The following FAT4 variants were observed in gnomAD, a reference collection of about 807,000 sequenced individuals.
The protein encoded by FAT4 is FAT atypical cadherin 4, also known as protocadherin Fat 4.
Under a neutral mutation model 303.9 loss-of-function variants are expected in FAT4, and 84 were observed. The ratio of observed to expected loss-of-function variants is 0.28; its 90% CI spans 0.23 to 0.33. The LOEUF (loss-of-function observed/expected upper bound fraction) is 0.33, where lower values mean the gene tolerates loss of function less well. FAT4 is among the 10% of genes least tolerant of loss of function. The pLI is 1.00. For synonymous variants in FAT4, 2,307 were observed against 2,298.8 expected (o/e 1.00, Z -0.10); for missense variants, 6,005 against 6,146.8 (o/e 0.98, Z 0.77).
intron 2 of FAT4, among the ~76,000 whole-genome samples, chr4:125,338,704 T>G (rs1229602085): frequency 6.6e-6 from 1 of 152,186 alleles, no homozygotes; most frequent in Admixed American, 6.5e-5. Context: ...TTCTGTAATC[T>G]CAACACAATT....
intron 2 of FAT4, among the ~76,000 whole-genome samples, chr4:125,367,027 A>AT (rs1270662616): frequency 2.2e-4 from 34 of 151,844 alleles, no homozygotes; most frequent in Admixed American, 1.6e-3. Context: ...TAGTTTGCAA[A>AT]TTTTTTTTGC....
intron 2 of FAT4, among the ~76,000 whole-genome samples, chr4:125,351,779 T>A (rs1732234861): frequency 6.6e-6 from 1 of 151,708 alleles, no homozygotes; most frequent in Non-Finnish European, 1.5e-5. Context: ...CTGATTATGA[T>A]CAGTGATTAA....
At chr4:125,398,718 T>G in intron 2 of FAT4, 66 bp from the exon 3 acceptor site, 1 of 1,513,730 alleles carries the variant, frequency 6.6e-7, no homozygotes, top group Non-Finnish European at 9.0e-7. Context: ...TTCCTGGTAG[T>G]CATTTTAATT....
chr4:125,362,567 A>G (rs2710593), intron 2 of FAT4, among the ~76,000 whole-genome samples: 27,474 of 152,172 alleles, frequency 0.18, 2,748 homozygotes, highest in South Asian at 0.31. Context: ...GATCTGGTCT[A>G]GAGATATACA....
chr4:125,411,898 T>A (rs191631161), intron 5 of FAT4, among the ~76,000 whole-genome samples: 465 of 151,210 alleles, frequency 3.1e-3, no homozygotes, highest in African/African-American at 0.01. Context: ...ACCATATGTA[T>A]GCAATAAAAC....
At chr4:125,397,804 C>A (rs562382623) in intron 2 of FAT4, among the ~76,000 whole-genome samples, 2 of 152,270 alleles carry the variant, frequency 1.3e-5, no homozygotes, top group Admixed American at 1.3e-4. Flanking sequence ...CTCCCCACTT[C>A]CTTCAGATTC....
chr4:125,449,863 T>C lies in FAT4; in HGVS notation c.8853T>C (p.His2951=). The C allele has an allele frequency of 6.2e-7, 1 of 1,613,924 alleles. No homozygotes were observed. Among genetic ancestry groups the C allele is most frequent in the Non-Finnish European group, 8.5e-7 (1 of 1,179,870 alleles). ...TCAGTAATGTGAATATCAACAGGCA[T>C]AGTTTTATAGTGACATCTTCAGATC... is the stretch of plus-strand genomic sequence containing the variant. ...TGFSNVNINR[H]SFIVTSSDRG... Residue 2951 remains histidine, a synonymous_variant, in exon 10 of 18, where the codon CAT becomes CAC. Transcript: ENST00000394329.
Position 125,406,861 on chromosome 4 carries a change from G to C in FAT4, c.5308-19G>C. 6.2e-7 allele frequency: 1 copy of C among 1,610,120 alleles called. No individual in the cohort carries two copies. Among genetic ancestry groups the C allele is most frequent in the Middle Eastern group, 1.7e-4 (1 of 6,008 alleles). ...CTTTTCTACTTCCAATAGCTCAGAT[G>C]CTTGGTCTCTTTTTTTAGGGTGCAA... On this transcript the variant is annotated intron_variant, in intron 3 of 17. Coordinates refer to ENST00000394329, the MANE Select transcript of FAT4 (RefSeq NM_001291303.3).
At chr4:125,334,207 C>A (rs1292605090) in intron 2 of FAT4, among the ~76,000 whole-genome samples, 1 of 152,010 alleles carries the variant, frequency 6.6e-6, no homozygotes, top group East Asian at 1.9e-4. Context: ...CCATCAGCAT[C>A]CTCCCAAAGA....
In FAT4 at chr4:125,476,218, A is replaced by T; in HGVS notation, c.12261A>T (p.Gly4087=). ...CCTGTTCTGAGAACCAAGAGCCAGG[A>T]TATTGTACTGTCAGTAATGTGGCAG... ...VDSCSENQEP[G]YCTVSNVAVS... Residue 4087 remains glycine, a synonymous_variant, in exon 13 of 18, where the codon GGA becomes GGT. Coordinates refer to ENST00000394329, the MANE Select transcript of FAT4 (RefSeq NM_001291303.3). The T allele has an allele frequency of 6.2e-7, 1 of 1,602,132 alleles. No homozygotes were observed. Among genetic ancestry groups the T allele is most frequent in the Non-Finnish European group, 8.5e-7 (1 of 1,172,072 alleles).
chr4:125,481,418 A>G, intron 15 of FAT4, 103 bp from the exon 16 acceptor site: 1 of 959,658 alleles, frequency 1.0e-6, no homozygotes, highest in Non-Finnish European at 1.6e-6. Context: ...AATTCCCAAA[A>G]CGACATTTTC....
chr4:125,350,430 C>G (rs1034925395), intron 2 of FAT4, among the ~76,000 whole-genome samples: 4 of 151,664 alleles, frequency 2.6e-5, no homozygotes, highest in African/African-American at 9.7e-5. Flanking sequence ...AAGCTGTGTT[C>G]CTTAATGCTG....
intron 12 of FAT4, among the ~76,000 whole-genome samples, chr4:125,471,570 T>C (rs1438746574): frequency 6.6e-6 from 1 of 152,226 alleles, no homozygotes; most frequent in Non-Finnish European, 1.5e-5. Flanking sequence ...TCTTTATTAA[T>C]GTTTGAAAAT....
In FAT4 at chr4:125,487,557, A is replaced by G. The variant is rs769956390; in HGVS notation, c.13035A>G (p.Ile4345Met). 1.9e-6 allele frequency: 3 copies of G among 1,613,278 alleles called. No individual in the cohort carries two copies. Among genetic ancestry groups the G allele is most frequent in the African/African-American group, 1.3e-5 (1 of 74,898 alleles). ...QDFGGLDVLT[I>M]SLGGIPPNQA... is the part of the protein sequence containing the mutation. The stretch of plus-strand genomic sequence containing the variant: ...TCGGTGGCCTTGATGTGCTTACTAT[A>G]TCACTTGGAGGAATTCCACCCAATC... Residue 4345 changes from isoleucine (I) to methionine (M), a missense_variant, in exon 17 of 18, where the codon ATA becomes ATG. Ile to Met is a conservative substitution (Grantham distance 10, BLOSUM62 1). Transcript: ENST00000394329.
intron 2 of FAT4, among the ~76,000 whole-genome samples, chr4:125,343,384 A>T (rs916276417): frequency 6.6e-6 from 1 of 152,092 alleles, no homozygotes; most frequent in Non-Finnish European, 1.5e-5. Context: ...CACCAAGTCC[A>T]TGGGCTCCTC....
Position 125,320,060 on chromosome 4 carries a change from G to C in FAT4, c.3649G>C (p.Ala1217Pro). 2 of 1,613,794 alleles carry C rather than the reference G, an allele frequency of 1.2e-6. No homozygotes were observed. The highest frequency in any genetic ancestry group is 1.7e-6 in the Non-Finnish European group (2 of 1,179,950). Reference sequence around the variant, plus strand: ...CAAATTTTTAAAAGACTTTTACCAAGCTACAATATCAGAATCAGCAGCCAA... The same window carrying C: ...CAAATTTTTAAAAGACTTTTACCAACCTACAATATCAGAATCAGCAGCCAA... The part of the protein sequence containing the change: ...APKFLKDFYQ[A>P]TISESAANLT... Residue 1217 changes from alanine (A) to proline (P), a missense_variant, in exon 2 of 18, where the codon GCT (alanine) becomes CCT (proline). Ala to Pro is a conservative substitution (Grantham distance 27). Transcript: ENST00000394329.
chr4:125,474,917 TG>T (rs1216001654), intron 12 of FAT4, among the ~76,000 whole-genome samples: 1 of 152,116 alleles, frequency 6.6e-6, no homozygotes, highest in Non-Finnish European at 1.5e-5. Context: ...CTTAACTTCC[TG>T]CACTGTTTTC....
chr4:125,446,639 G>A (rs1289834638), intron 9 of FAT4, 96 bp downstream of exon 9: 1 of 1,239,482 alleles, frequency 8.1e-7, no homozygotes, highest in African/African-American at 1.5e-5. Context: ...ACATATTTCT[G>A]ATATAGCCTA....
At chr4:125,471,725 A>G (rs1223955819) in intron 12 of FAT4, among the ~76,000 whole-genome samples, 2 of 151,656 alleles carry the variant, frequency 1.3e-5, no homozygotes, top group Non-Finnish European at 2.9e-5. Flanking sequence ...GTCTTAAAGT[A>G]TTTTTGCACT....
Sources: allele counts gnomAD v4.1 joint callset (sites outside exome capture counted in the v4.1 genomes callset), GRCh38; gene constraint gnomAD v4.1.1; transcripts MANE v1.5; gene names NCBI Gene and HGNC (gene_info 2026-07-23, HGNC 2026-07-21).